SCAF1: variants seen among roughly 807,000 people sequenced by gnomAD.
SCAF1 encodes SR-related CTD associated factor 1, also known as splicing factor, arginine/serine-rich 19.
In SCAF1, 28 loss-of-function variants were observed where a neutral mutation model predicts 91.2. That is an observed-to-expected ratio of 0.31 (90% CI 0.23 to 0.42). The LOEUF is 0.42. SCAF1 is among the 10% of genes least tolerant of loss of function. The pLI is 1.00. For missense variants in SCAF1, 1,893 were observed against 1,872.1 expected, an observed-to-expected ratio of 1.01 and a Z score of -0.21; for synonymous variants, 1,036 against 833.7, an observed-to-expected ratio of 1.24 and a Z score of -4.18.
intron 7 of SCAF1, 144 bp downstream of exon 7, chr19:49,653,849 C>A: frequency 1.3e-6 from 1 of 765,400 alleles, no homozygotes; most frequent in Non-Finnish European, 2.0e-6. Flanking sequence ...GAGTAAAGGC[C>A]AGCCAGGCTC....
In SCAF1 at chr19:49,652,228, C is replaced by T. The variant is rs997358916; in HGVS notation, c.1839C>T (p.Ala613=). The T allele has an allele frequency of 7.4e-6, 10 of 1,356,412 alleles. No individual in the cohort carries two copies. The highest frequency in any genetic ancestry group is 2.3e-4 in the Middle Eastern group (1 of 4,276). The allele number at this position is 1,356,412 out of a possible 1,614,324, so 84.0% of individuals were successfully genotyped here. Residue 613 remains alanine (A), a synonymous_variant, in exon 7 of 11, where the codon GCC becomes GCT. Coordinates refer to ENST00000360565, the MANE Select transcript of SCAF1 (RefSeq NM_021228.3). The stretch of plus-strand genomic sequence containing the variant: ...AGCGGCGACGGCGGCGGCGCTCCGC[C>T]TCCCCGCCCCCGGCCACTTCCTCAT... The part of the protein sequence containing the change: ...REKRRRRRRS[A]SPPPATSSSS...
Position 49,653,642 on chromosome 19 carries a change from C to T in SCAF1, c.3253C>T (p.Pro1085Ser). The T allele has an allele frequency of 3.2e-6, 5 of 1,585,640 alleles. No homozygotes were observed. The highest frequency in any genetic ancestry group is 4.3e-6 in the Non-Finnish European group (5 of 1,170,984). ...ASRVSQLPTL[P>S]PPMPWNLPAG... Reference sequence around the variant, plus strand: ...CCGTGTCTCCCAGCTGCCCACGTTGCCCCCGCCCATGCCCTGGAATCTGCC... The same window carrying T: ...CCGTGTCTCCCAGCTGCCCACGTTGTCCCCGCCCATGCCCTGGAATCTGCC... The change falls in exon 7 of 11, where the codon CCC (proline) becomes TCC (serine). Residue 1085 changes from proline to serine, a missense_variant. Pro to Ser is a moderately conservative substitution (Grantham distance 74). Coordinates refer to ENST00000360565, the MANE Select transcript of SCAF1 (RefSeq NM_021228.3).
Position 49,645,765 on chromosome 19 carries a change from G to A in SCAF1, c.167-343G>A, listed in dbSNP as rs1484115769. On this transcript the variant is annotated intron_variant, in intron 3 of 10. Transcript: ENST00000360565. The surrounding 1 kb of genome is among the most constrained non-coding windows in gnomAD (Gnocchi z 4.6). ...CAGCTGCAGCAGGCCTACAGCACGG[G>A]TGCAGCGGCGAGGGGCTGCGCTGGG... Among the ~76,000 whole-genome samples, 1 of 152,180 alleles carries A rather than the reference G, an allele frequency of 6.6e-6. No individual in the cohort carries two copies. Among genetic ancestry groups the A allele is most frequent in the Non-Finnish European group, 1.5e-5 (1 of 68,024 alleles).
At chr19:49,656,402 G>A (rs1024883358) in intron 9 of SCAF1, among the ~76,000 whole-genome samples, 1 of 152,262 alleles carries the variant, frequency 6.6e-6, no homozygotes, top group East Asian at 1.9e-4. Flanking sequence ...TCCTGGAGTC[G>A]GCTAGCCATT....
At position 49,646,574 on chromosome 19, in the gene SCAF1, C is replaced by T; in HGVS notation, c.310C>T (p.Leu104=). Residue 104 remains leucine (L), a synonymous_variant, in exon 5 of 11, where the codon CTG becomes TTG. Transcript: ENST00000360565. This position sits in a 1 kb window ranked among gnomAD's most constrained non-coding sequence, Gnocchi z 5.6. The part of the protein sequence containing the change: ...DSFLAGLVSV[L]DPPDTWVPSR... ...CTTCCTCGCAGGGCTGGTGAGTGTC[C>T]TGGATCCCCCGGATACCTGGGTTCC... The T allele has an allele frequency of 6.2e-7, 1 of 1,614,116 alleles. No homozygotes were observed. Among genetic ancestry groups the T allele is most frequent in the Non-Finnish European group, 8.5e-7 (1 of 1,180,030 alleles).
At chr19:49,653,880 G>C (rs2081121586) in intron 7 of SCAF1, among the ~76,000 whole-genome samples, 175 bp downstream of exon 7, 4 of 152,190 alleles carry the variant, frequency 2.6e-5, no homozygotes, top group Non-Finnish European at 5.9e-5. Context: ...GGTGTACTGG[G>C]AGAGAGGGGC....
upstream of SCAF1, chr19:49,642,122 A>C (rs1307351485): frequency 6.6e-6 from 1 of 152,198 alleles, no homozygotes; most frequent in Non-Finnish European, 1.5e-5. This position sits in a 1 kb window ranked among gnomAD's most constrained non-coding sequence, Gnocchi z 4.0. Flanking sequence ...CGTGCTCGGT[A>C]CTTGAAATCC....
chr19:49,658,326 G>A lies in SCAF1; in HGVS notation c.3866G>A (p.Gly1289Glu). 5 of 1,592,444 alleles carry A rather than the reference G, an allele frequency of 3.1e-6. No homozygotes were observed. The highest frequency in any genetic ancestry group is 1.3e-5 in the African/African-American group (1 of 74,482). ...KHGRKPGDPP[G>E]PPRPPKEPGP... ...GGTCGCAAGCCAGGGGACCCCCCAG[G>A]GCCCCCACGGCCGCCCAAGGAGCCA... Residue 1289 changes from glycine (G) to glutamate (E), a missense_variant, in exon 11 of 11, where the codon GGG (glycine) becomes GAG (glutamate). This residue lies in a region of SCAF1 where 51 missense variants were observed against 49.9 expected (regional missense o/e 1.02). Coordinates refer to ENST00000360565, the MANE Select transcript of SCAF1 (RefSeq NM_021228.3).
chr19:49,646,899 G>A lies in SCAF1; in HGVS notation c.478+69G>A. 8.4e-7 allele frequency: 1 copy of A among 1,185,682 alleles called. No individual in the cohort carries two copies. Among genetic ancestry groups the A allele is most frequent in the Non-Finnish European group, 1.2e-6 (1 of 834,816 alleles). The allele number at this position is 1,185,682 out of a possible 1,614,324, so 73.4% of individuals were successfully genotyped here. A position where few individuals can be genotyped will look rare whatever the true frequency, so the allele number is the denominator to read the frequency against. On this transcript the variant is annotated intron_variant, in intron 6 of 10. Coordinates refer to ENST00000360565, the MANE Select transcript of SCAF1 (RefSeq NM_021228.3). This position sits in a 1 kb window ranked among gnomAD's most constrained non-coding sequence, Gnocchi z 5.6. ...GTGTGGGGATCGGCTGTTTTTGGTA[G>A]TGATGGTAGCGGTGATCATGTTATT...
intron 10 of SCAF1, 111 bp downstream of exon 10, chr19:49,658,000 G>A: frequency 7.1e-7 from 1 of 1,413,472 alleles, no homozygotes; most frequent in South Asian, 1.4e-5. Flanking sequence ...GGTCAGTCTG[G>A]GAGGTGAGGA....
intron 1 of SCAF1, among the ~76,000 whole-genome samples, chr19:49,643,493 T>G (rs572128337): frequency 1.3e-5 from 2 of 152,374 alleles, no homozygotes; most frequent in Non-Finnish European, 2.9e-5. Flanking sequence ...GACCCTGTTG[T>G]TGGGGAAACC....
At chr19:49,647,529 G>A (rs1327597749) in intron 6 of SCAF1, among the ~76,000 whole-genome samples, 2 of 152,188 alleles carry the variant, frequency 1.3e-5, no homozygotes, top group Non-Finnish European at 2.9e-5. Context: ...TGTATTTGGA[G>A]GAGGGGTTGG....
chr19:49,648,843 C>T (rs1230833062), intron 6 of SCAF1, among the ~76,000 whole-genome samples: 4 of 151,900 alleles, frequency 2.6e-5, no homozygotes, highest in South Asian at 4.2e-4. Flanking sequence ...TGGTGGCACA[C>T]GCCTCTAGTC....
Position 49,658,327 on chromosome 19 carries a change from GC to G in SCAF1, c.3872del (p.Pro1291HisfsTer54). 1 of 1,591,174 alleles carries G rather than the reference GC, an allele frequency of 6.3e-7. No individual in the cohort carries two copies. The highest frequency in any genetic ancestry group is 8.5e-7 in the Non-Finnish European group (1 of 1,170,710). On this transcript the variant is annotated frameshift_variant, in exon 11 of 11. Coordinates refer to ENST00000360565, the MANE Select transcript of SCAF1 (RefSeq NM_021228.3). LOFTEE classifies it high-confidence loss of function. ...HGRKPGDPPG[P>X]PRPPKEPGPP... ...GTCGCAAGCCAGGGGACCCCCCAGG[GC>G]CCCCACGGCCGCCCAAGGAGCCAGG...
In SCAF1 at chr19:49,652,622, A is replaced by G. The variant is rs1404097180; in HGVS notation, c.2233A>G (p.Lys745Glu). The G allele has an allele frequency of 6.4e-7, 1 of 1,563,142 alleles. No homozygotes were observed. Among genetic ancestry groups the G allele is most frequent in the Admixed American group, 1.9e-5 (1 of 52,684 alleles). ...ACTGAGCGGCGAGGAGCGGGGCGGCAAGAGCAGCCAGAAGGATCGGCGCCG... is the reference window on the plus strand; with the variant it reads ...ACTGAGCGGCGAGGAGCGGGGCGGCGAGAGCAGCCAGAAGGATCGGCGCCG... ...EGLSGEERGG[K>E]SSQKDRRRSG... Residue 745 changes from lysine (K) to glutamate (E), a missense_variant, in exon 7 of 11, where the codon AAG becomes GAG. Lys to Glu is a moderately conservative substitution (Grantham distance 56). This residue lies in a region of SCAF1 where 1,436 missense variants were observed against 1,306.8 expected (regional missense o/e 1.10). Coordinates refer to ENST00000360565, the MANE Select transcript of SCAF1 (RefSeq NM_021228.3).
rs1032984349 is a variant in SCAF1 at position 49,642,284 on chromosome 19, A to C, written c.-7+42A>C. 3 of 151,552 alleles carry C rather than the reference A, an allele frequency of 2.0e-5. No individual in the cohort carries two copies. Among genetic ancestry groups the C allele is most frequent in the African/African-American group, 4.9e-5 (2 of 41,180 alleles). 9.4% of individuals were successfully genotyped at this position (151,552 alleles called of 1,614,324 possible). ...AGTCCGGGCCGCGGGGCTCGGGCCT[A>C]TTGGGGTGGGCGGGGCGGAGTTGGG... On this transcript the variant is annotated intron_variant, in intron 1 of 10. Coordinates refer to ENST00000360565, the MANE Select transcript of SCAF1 (RefSeq NM_021228.3). This position sits in a 1 kb window ranked among gnomAD's most constrained non-coding sequence, Gnocchi z 4.0.
In SCAF1 at chr19:49,645,014, C is replaced by T. The variant is rs2081046431; in HGVS notation, c.-6-7C>T. On this transcript the variant is annotated splice_region_variant and splice_polypyrimidine_tract_variant and intron_variant, in intron 1 of 10. Transcript: ENST00000360565. The surrounding 1 kb of genome is among the most constrained non-coding windows in gnomAD (Gnocchi z 4.6). ...TCCACTCCAAACTCTCCCCCCTGGA[C>T]CCCCAGGTGACCATGGAGGAAGAAG... The T allele has an allele frequency of 6.2e-7, 1 of 1,607,668 alleles. No homozygotes were observed. Among genetic ancestry groups the T allele is most frequent in the Non-Finnish European group, 8.5e-7 (1 of 1,174,498 alleles).
rs768960519 is a variant in SCAF1 at position 49,652,737 on chromosome 19, A to G, written c.2348A>G (p.Asp783Gly). The G allele has an allele frequency of 2.5e-6, 4 of 1,606,002 alleles. No individual in the cohort carries two copies. Among genetic ancestry groups the G allele is most frequent in the African/African-American group, 1.3e-5 (1 of 74,686 alleles). ...GGGGGTGACCGGGATCGGGACAGGG[A>G]CAGAGATAGGGACAGGGACAGGTCA... ...LDGGDRDRDR[D>G]RDRDRDRSSK... Residue 783 changes from aspartate (D) to glycine (G), a missense_variant, in exon 7 of 11, where the codon GAC becomes GGC. Asp to Gly is a moderately conservative substitution (Grantham distance 94). Around this residue, in one of 5 missense-constraint regions of SCAF1, gnomAD observed 1,436 missense variants for 1,306.8 expected, o/e 1.10. Coordinates refer to ENST00000360565, the MANE Select transcript of SCAF1 (RefSeq NM_021228.3).
upstream of SCAF1, chr19:49,641,977 AT>A (rs1280683998): frequency 6.6e-6 from 1 of 152,132 alleles, no homozygotes; most frequent in African/African-American, 2.4e-5. Context: ...CTCTCACCCC[AT>A]TAGCTGTCCC....
Sources: gnomAD v4.1 joint callset for allele counts (sites outside exome capture counted in the v4.1 genomes callset) on GRCh38, gnomAD v4.1.1 for gene constraint, gnomAD v4.1.1 regional missense constraint, Gnocchi (gnomAD v3.1) non-coding constraint, MANE v1.5 for transcripts, NCBI Gene and HGNC (gene_info 2026-07-23, HGNC 2026-07-21) for gene names.